Variants in MTHFS observed in about 807,000 individuals in gnomAD.
MTHFS encodes the protein 5-formyltetrahydrofolate cyclo-ligase.
Under a neutral mutation model 12.7 loss-of-function variants are expected in MTHFS, and 7 were observed. That is an observed-to-expected ratio of 0.55 (90% CI 0.31 to 1.03). The LOEUF is 1.03. MTHFS is among the 50% of genes least tolerant of loss of function. The pLI, the probability that MTHFS is intolerant of heterozygous loss-of-function variation, is 0.05. For synonymous variants in MTHFS, 100 were observed against 97.1 expected, an observed-to-expected ratio of 1.03 and a Z score of -0.18; for missense variants, 252 against 258.1, an observed-to-expected ratio of 0.98 and a Z score of 0.16.
At chr15:79,856,982 G>A (rs1051334652) in intron 2 of MTHFS, among the ~76,000 whole-genome samples, 2 of 144,910 alleles carry the variant, frequency 1.4e-5, no homozygotes, top group African/African-American at 5.1e-5. Flanking sequence ...TTTAGAAGAT[G>A]AGCTCGCAAA....
At chr15:79,853,625 A>G (rs2033751304) in intron 2 of MTHFS, among the ~76,000 whole-genome samples, 1 of 152,186 alleles carries the variant, frequency 6.6e-6, no homozygotes, top group African/African-American at 2.4e-5. Flanking sequence ...ACACTACAAG[A>G]GCTATCATGC....
intron 2 of MTHFS, among the ~76,000 whole-genome samples, chr15:79,856,679 A>G (rs2141346580): frequency 6.6e-6 from 1 of 152,312 alleles, no homozygotes. Flanking sequence ...AATTCTGGAG[A>G]TCTGTTGCAC....
At chr15:79,896,668 G>T in intron 1 of MTHFS, 2 of 900,566 alleles carry the variant, frequency 2.2e-6, no homozygotes, top group Non-Finnish European at 3.2e-6. Flanking sequence ...TCACTACCGG[G>T]CCCTCTCCCC....
intron 2 of MTHFS, among the ~76,000 whole-genome samples, chr15:79,852,182 G>A (rs1388952228): frequency 6.6e-6 from 1 of 152,110 alleles, no homozygotes; most frequent in Non-Finnish European, 1.5e-5. Flanking sequence ...TAGCTCTTGA[G>A]GCAGAACTGT....
At chr15:79,877,705 AAAAAG>A (rs962514495) in intron 2 of MTHFS, 7 of 152,060 alleles carry the variant, frequency 4.6e-5, no homozygotes, top group African/African-American at 1.7e-4. Context: ...ATCTCAAAAA[AAAAAG>A]AAAAGAAATC....
At chr15:79,850,099 G>A (rs2033687672) in intron 2 of MTHFS, among the ~76,000 whole-genome samples, 1 of 152,168 alleles carries the variant, frequency 6.6e-6, no homozygotes, top group South Asian at 2.1e-4. Flanking sequence ...AAATGGAGCT[G>A]GTCATGAAAA....
rs771539481 is a variant in MTHFS at position 79,845,324 on chromosome 15, C to T, written c.498G>A (p.Val166=). The change falls in exon 3 of 3, where the codon GTG becomes GTA. Residue 166 remains valine, a synonymous_variant. Coordinates refer to ENST00000258874, the MANE Select transcript of MTHFS (RefSeq NM_006441.4). ...YLKRCLQHQE[V]KPYTLALAFK... is the part of the protein sequence containing the mutation. ...AAGCCAACGCCAGGGTGTAGGGCTTCACTTCCTGATGCTGCAAACAGCGCT... is the reference window on the plus strand; with the variant it reads ...AAGCCAACGCCAGGGTGTAGGGCTTTACTTCCTGATGCTGCAAACAGCGCT... 1 of 1,614,188 alleles carries T rather than the reference C, an allele frequency of 6.2e-7. No homozygotes were observed. The highest frequency in any genetic ancestry group is 2.2e-5 in the East Asian group (1 of 44,884).
chr15:79,868,178 A>G (rs1161212785), intron 2 of MTHFS, among the ~76,000 whole-genome samples: 2 of 152,246 alleles, frequency 1.3e-5, no homozygotes, highest in East Asian at 3.8e-4. Flanking sequence ...GGAATTTCCA[A>G]TGAATAAAGC....
intron 2 of MTHFS, among the ~76,000 whole-genome samples, chr15:79,860,122 G>C (rs1241231547): frequency 6.6e-6 from 1 of 152,134 alleles, no homozygotes; most frequent in East Asian, 1.9e-4. Context: ...AGGCGTGGTG[G>C]CTCACGCCTG....
chr15:79,872,944 C>T (rs2034131874), intron 2 of MTHFS, among the ~76,000 whole-genome samples: 1 of 152,180 alleles, frequency 6.6e-6, no homozygotes, highest in South Asian at 2.1e-4. Flanking sequence ...TAGGGCTGTG[C>T]ACTTCTGAAA....
At chr15:79,845,817 A>C (rs2033603764) in intron 2 of MTHFS, among the ~76,000 whole-genome samples, 1 of 152,100 alleles carries the variant, frequency 6.6e-6, no homozygotes, top group Non-Finnish European at 1.5e-5. Flanking sequence ...TGACAGTTGG[A>C]GGGCGGGAAA....
intron 1 of MTHFS, among the ~76,000 whole-genome samples, chr15:79,889,812 G>A (rs894847008): frequency 2.0e-5 from 3 of 152,140 alleles, no homozygotes; most frequent in African/African-American, 7.2e-5. Flanking sequence ...CCCATTTAAA[G>A]CCCAACGCAA....
At chr15:79,880,415 T>C (rs1445055128) in intron 2 of MTHFS, among the ~76,000 whole-genome samples, 4 of 151,898 alleles carry the variant, frequency 2.6e-5, no homozygotes, top group Admixed American at 6.6e-5. Flanking sequence ...ATCAATACAA[T>C]CTGGTTTTGT....
chr15:79,858,977 T>C (rs2033860590), intron 2 of MTHFS, among the ~76,000 whole-genome samples: 1 of 152,164 alleles, frequency 6.6e-6, no homozygotes, highest in African/African-American at 2.4e-5. Flanking sequence ...GAACAACAAA[T>C]ATAAACTGAT....
At chr15:79,848,118 C>T (rs999676633) in intron 2 of MTHFS, among the ~76,000 whole-genome samples, 11 of 152,120 alleles carry the variant, frequency 7.2e-5, no homozygotes, top group South Asian at 6.2e-4. Flanking sequence ...GATGGATGAA[C>T]GAACAAACCA....
chr15:79,864,401 C>T (rs1264060209), intron 2 of MTHFS, among the ~76,000 whole-genome samples: 2 of 151,618 alleles, frequency 1.3e-5, no homozygotes, highest in South Asian at 4.2e-4. Context: ...AAAAATTAGC[C>T]AAGTGTGGTG....
intron 2 of MTHFS, among the ~76,000 whole-genome samples, chr15:79,857,903 T>A (rs1446770530): frequency 6.6e-6 from 1 of 151,092 alleles, no homozygotes; most frequent in Non-Finnish European, 1.5e-5. Context: ...GTAATCCCAG[T>A]TACTCAAGAG....
rs751966216 is a variant in MTHFS, at chr15:79,896,976, C to A, written c.13G>T (p.Ala5Ser). Residue 5 changes from alanine (A) to serine (S), a missense_variant, in exon 1 of 3, where the codon GCG (alanine) becomes TCG (serine). By Grantham distance (99) the Ala-to-Ser change is moderately conservative (BLOSUM62 1). Transcript: ENST00000258874. MAAA[A>S]VSSAKRSLRG... ...AGGCTCCGCTTGGCGCTGCTCACCG[C>A]TGCCGCCGCCATCTCACGCCCAAGC... 1.3e-6 allele frequency: 2 copies of A among 1,530,432 alleles called. No individual in the cohort carries two copies. The highest frequency in any genetic ancestry group is 2.0e-5 in the Admixed American group (1 of 50,686). 94.8% of individuals were successfully genotyped at this position (1,530,432 alleles called of 1,614,324 possible).
Position 79,889,271 on chromosome 15 carries a change from G to A in MTHFS, c.201C>T (p.Ile67=). 1 of 1,614,184 alleles carries A rather than the reference G, an allele frequency of 6.2e-7. No individual in the cohort carries two copies. Among genetic ancestry groups the A allele is most frequent in the Non-Finnish European group, 8.5e-7 (1 of 1,180,038 alleles). ...TGCCTCGTTGGAAAATGTCCTTGAT[G>A]ATCTCTTCTGTCTCAATTTCATCTT... is the stretch of plus-strand genomic sequence containing the variant. ...SMQDEIETEE[I]IKDIFQRGKI... is the part of the protein sequence containing the mutation. The change falls in exon 2 of 3, where the codon ATC becomes ATT. Residue 67 remains isoleucine (I), a synonymous_variant. Transcript: ENST00000258874.
Sources: gnomAD v4.1 joint callset for allele counts (sites outside exome capture counted in the v4.1 genomes callset) on GRCh38, gnomAD v4.1.1 for gene constraint, MANE v1.5 for transcripts, NCBI Gene and HGNC (gene_info 2026-07-23, HGNC 2026-07-21) for gene names.